Variants in TAF13 observed in about 807,000 individuals in gnomAD.
TAF13 encodes TATA-box binding protein associated factor 13.
In TAF13, 9 loss-of-function variants were observed where a neutral mutation model predicts 18.7. That is an observed-to-expected ratio of 0.48 (90% confidence interval 0.29 to 0.84). The LOEUF is 0.84. Ranked by LOEUF, TAF13 falls within the 40% of genes least tolerant of loss-of-function variation. TAF13 has a pLI of 0.08. For missense variants in TAF13, 105 were observed against 146.5 expected, an observed-to-expected ratio of 0.72 and a Z score of 1.46; for synonymous variants, 49 against 44.1, an observed-to-expected ratio of 1.11 and a Z score of -0.44.
chr1:109,066,838 G>A (rs2102106006), intron 2 of TAF13, among the ~76,000 whole-genome samples: 1 of 152,150 alleles, frequency 6.6e-6, no homozygotes, highest in South Asian at 2.1e-4. Context: ...TCCTGCCTCA[G>A]CCTCCCGAGT....
chr1:109,069,848 C>A (rs2102108289), intron 2 of TAF13, among the ~76,000 whole-genome samples: 1 of 152,140 alleles, frequency 6.6e-6, no homozygotes, highest in East Asian at 1.9e-4. Context: ...GGTCCAGAAA[C>A]AGGAGTAAAA....
intron 1 of TAF13, 84 bp from the exon 2 acceptor site, chr1:109,075,149 C>G (rs1242156479): frequency 1.7e-6 from 2 of 1,198,416 alleles, no homozygotes; most frequent in Non-Finnish European, 2.3e-6. Context: ...TTTTCCTTTT[C>G]AACAGATAGG....
chr1:109,074,935 T>C lies in TAF13; in HGVS notation c.106+52A>G, dbSNP rs1571301059. On this transcript the variant is annotated intron_variant, in intron 2 of 3. Coordinates refer to ENST00000338366, the MANE Select transcript of TAF13 (RefSeq NM_005645.4). ...GCAATAAAGCTACTTTGAAAGGACA[T>C]GTCCAAAAGTTTTCATCATCTATAA... 10 of 1,353,228 alleles carry C rather than the reference T, an allele frequency of 7.4e-6. No homozygotes were observed. The East Asian group carries it at 2.1e-4, about 28-fold the overall frequency. 83.8% of individuals were successfully genotyped at this position (1,353,228 alleles called of 1,614,324 possible).
chr1:109,073,790 G>A (rs1192923053), intron 2 of TAF13, among the ~76,000 whole-genome samples: 7 of 152,286 alleles, frequency 4.6e-5, no homozygotes, highest in South Asian at 2.1e-4. Flanking sequence ...CTGCCACCCC[G>A]TCTAGGAATT....
intron 3 of TAF13, 143 bp from the exon 4 acceptor site, chr1:109,064,836 A>G: frequency 1.5e-6 from 1 of 661,990 alleles, no homozygotes; most frequent in Non-Finnish European, 2.2e-6. Context: ...TTATCTTTCT[A>G]CTCATGTCCT....
rs1326651595 is a variant in TAF13, at chr1:109,075,995, G to A, written c.-48C>T. On this transcript the variant is annotated 5_prime_UTR_variant, in exon 1 of 4. Coordinates refer to ENST00000338366, the MANE Select transcript of TAF13 (RefSeq NM_005645.4). Reference sequence around the variant, plus strand: ...GCGTCCTGCCGGCTGGCTCCCAGCTGGTTACACTACTTCCGCCGCCTCACT... The same window carrying A: ...GCGTCCTGCCGGCTGGCTCCCAGCTAGTTACACTACTTCCGCCGCCTCACT... 6.2e-7 allele frequency: 1 copy of A among 1,613,828 alleles called. No homozygotes were observed. Among genetic ancestry groups the A allele is most frequent in the Non-Finnish European group, 8.5e-7 (1 of 1,179,894 alleles).
chr1:109,066,069 T>TA (rs1157343542), intron 3 of TAF13, 66 bp downstream of exon 3: 13 of 1,367,864 alleles, frequency 9.5e-6, no homozygotes, highest in Non-Finnish European at 1.3e-5. Context: ...GTTCTAGTCT[T>TA]ACCTAAAGTT....
chr1:109,066,095 A>G (rs1325068508), intron 3 of TAF13, 40 bp downstream of exon 3: 3 of 1,523,374 alleles, frequency 2.0e-6, no homozygotes, highest in East Asian at 4.5e-5. Context: ...TTTCAAATCT[A>G]TTCTTCAATT....
intron 2 of TAF13, among the ~76,000 whole-genome samples, chr1:109,071,244 C>T (rs1411987109): frequency 1.3e-5 from 2 of 151,946 alleles, no homozygotes; most frequent in African/African-American, 4.8e-5. Context: ...AGTTCAACAC[C>T]AGCCTGGCTA....
chr1:109,074,474 G>A (rs1664144848), intron 2 of TAF13, among the ~76,000 whole-genome samples: 1 of 152,114 alleles, frequency 6.6e-6, no homozygotes, highest in African/African-American at 2.4e-5. Flanking sequence ...AGGAAAACCA[G>A]AGACCCTTGT....
rs1481071597 is a variant in TAF13 at position 109,075,003 on chromosome 1, T to A, written c.90A>T (p.Arg30Ser). 6.3e-7 allele frequency: 1 copy of A among 1,598,904 alleles called. No homozygotes were observed. Among genetic ancestry groups the A allele is most frequent in the Non-Finnish European group, 8.5e-7 (1 of 1,176,266 alleles). The part of the protein sequence containing the change: ...GAEGGQGKRK[R>S]LFSKELRCMM... ...ACTACTTACATTCTTTAGAAAAAAG[T>A]CTCTTTCTTTTACCCTGTCCACCTT... Residue 30 changes from arginine to serine, a missense_variant, in exon 2 of 4, where the codon AGA (arginine) becomes AGT (serine). Transcript: ENST00000338366.
chr1:109,066,072 C>T, intron 3 of TAF13, 63 bp downstream of exon 3: 1 of 1,418,416 alleles, frequency 7.1e-7, no homozygotes, highest in Non-Finnish European at 9.8e-7. Flanking sequence ...CTAGTCTTAC[C>T]TAAAGTTTAA....
chr1:109,065,006 ATT>A, intron 3 of TAF13, among the ~76,000 whole-genome samples: 2 of 152,138 alleles, frequency 1.3e-5, no homozygotes, highest in South Asian at 2.1e-4. Context: ...TAATTTTATA[ATT>A]TTGTGTACCC....
chr1:109,067,009 G>T (rs1349994834), intron 2 of TAF13, among the ~76,000 whole-genome samples: 6 of 151,854 alleles, frequency 4.0e-5, no homozygotes, highest in African/African-American at 9.7e-5. Flanking sequence ...GTGAGCCACC[G>T]CGCCCAGCCC....
chr1:109,064,763 T>C, intron 3 of TAF13, 70 bp from the exon 4 acceptor site: 1 of 1,255,878 alleles, frequency 8.0e-7, no homozygotes, highest in African/African-American at 1.5e-5. Flanking sequence ...TTTGCATTTA[T>C]TAATTGCAAG....
chr1:109,067,704 C>T (rs1663977302), intron 2 of TAF13, among the ~76,000 whole-genome samples: 1 of 152,118 alleles, frequency 6.6e-6, no homozygotes, highest in Non-Finnish European at 1.5e-5. Flanking sequence ...AAAGATAAAA[C>T]ATATATAGCC....
rs538970538 is a variant in TAF13 at position 109,065,742 on chromosome 1, G to A, written c.204+393C>T. 5.9e-5 allele frequency among the ~76,000 whole-genome samples: 9 copies of A among 152,156 alleles called. No individual in the cohort carries two copies. The East Asian group carries it at 1.7e-3, about 29-fold the overall frequency. On this transcript the variant is annotated intron_variant, in intron 3 of 3. Transcript: ENST00000338366. The stretch of plus-strand genomic sequence containing the variant: ...GTTTGAGACCAGCCTGACCAACATG[G>A]AGAAACCCTGTCTCTACTAAAAATA...
At chr1:109,075,093 T>C (rs1664157946) in intron 1 of TAF13, 28 bp from the exon 2 acceptor site, 1 of 1,539,062 alleles carries the variant, frequency 6.5e-7, no homozygotes, top group Non-Finnish European at 8.8e-7. Flanking sequence ...TATATAGAAA[T>C]GTCAAATAAT....
intron 2 of TAF13, among the ~76,000 whole-genome samples, chr1:109,071,795 T>C (rs1664057160): frequency 6.7e-6 from 1 of 149,908 alleles, no homozygotes; most frequent in Admixed American, 6.7e-5. Flanking sequence ...CTACTAACAA[T>C]ACCAAAATTA....
Sources: allele counts gnomAD v4.1 joint callset (sites outside exome capture counted in the v4.1 genomes callset), GRCh38; gene constraint gnomAD v4.1.1; transcripts MANE v1.5; gene names NCBI Gene and HGNC (gene_info 2026-07-23, HGNC 2026-07-21).